RPAP2: variants seen among roughly 807,000 people sequenced by gnomAD.
The protein encoded by RPAP2 is RNA polymerase II associated protein 2, also known as putative RNA polymerase II subunit B1 CTD phosphatase RPAP2.
Under a neutral mutation model 73.1 loss-of-function variants are expected in RPAP2, and 52 were observed. The ratio of observed to expected loss-of-function variants is 0.71; its 90% CI spans 0.57 to 0.90. RPAP2 has a LOEUF of 0.90. Ranked by LOEUF, RPAP2 falls within the 40% of genes least tolerant of loss-of-function variation. The pLI is 0.00. For missense variants in RPAP2, 598 were observed against 701.8 expected (o/e 0.85, Z 1.67); for synonymous variants, 225 against 242.1 (o/e 0.93, Z 0.65).
chr1:92,309,554 TACAC>T (rs1651458543), intron 6 of RPAP2, among the ~76,000 whole-genome samples: 1 of 68,614 alleles, frequency 1.5e-5, no homozygotes. Context: ...CACATACACA[TACAC>T]ATACACATAC....
chr1:92,327,584 T>C (rs1346906637), intron 8 of RPAP2, among the ~76,000 whole-genome samples: 1 of 152,234 alleles, frequency 6.6e-6, no homozygotes, highest in Non-Finnish European at 1.5e-5. Flanking sequence ...AGCAGATACT[T>C]GGTTGGTGAA....
intron 6 of RPAP2, among the ~76,000 whole-genome samples, chr1:92,310,714 T>C (rs1651541619): frequency 6.6e-6 from 1 of 152,112 alleles, no homozygotes; most frequent in African/African-American, 2.4e-5. Flanking sequence ...CTGGCCAACA[T>C]GACAAAACCC....
rs1656315278 is a variant in RPAP2, at chr1:92,401,431, TC to T, written c.*14423del. 1 of 152,240 alleles carries T rather than the reference TC, an allele frequency of 6.6e-6. No individual in the cohort carries two copies. The highest frequency in any genetic ancestry group is 2.4e-5 in the African/African-American group (1 of 41,454). The allele number at this position is 152,240 out of a possible 1,614,324, so 9.4% of individuals were successfully genotyped here. On this transcript the variant is annotated 3_prime_UTR_variant, in exon 13 of 13. Transcript: ENST00000610020. Reference sequence around the variant, plus strand: ...TACTTTCCCTACTACTTAGTTCTAGTCCCTTTTTTGTAGAATTCTGAGGACT... The same window carrying T: ...TACTTTCCCTACTACTTAGTTCTAGTCCTTTTTTGTAGAATTCTGAGGACT...
At chr1:92,331,254 G>A (rs972940187) in intron 8 of RPAP2, among the ~76,000 whole-genome samples, 1 of 152,046 alleles carries the variant, frequency 6.6e-6, no homozygotes, top group African/African-American at 2.4e-5. Flanking sequence ...TAACATTCTT[G>A]TATTAATGTG....
chr1:92,305,748 T>C (rs898687116), intron 5 of RPAP2, among the ~76,000 whole-genome samples: 1 of 152,178 alleles, frequency 6.6e-6, no homozygotes, highest in African/African-American at 2.4e-5. Flanking sequence ...ATATTATCAG[T>C]AATCAGAGAA....
chr1:92,361,048 TAAAC>T (rs1387196609), intron 11 of RPAP2, among the ~76,000 whole-genome samples: 1 of 151,152 alleles, frequency 6.6e-6, no homozygotes, highest in Non-Finnish European at 1.5e-5. Context: ...TTTAGGAACA[TAAAC>T]ATGTAATTTA....
intron 6 of RPAP2, among the ~76,000 whole-genome samples, chr1:92,314,620 G>A (rs1651802303): frequency 6.6e-6 from 1 of 151,738 alleles, no homozygotes; most frequent in Admixed American, 6.6e-5. Flanking sequence ...GCATGCACCT[G>A]TAATCCCAGC....
At chr1:92,361,850 T>TTTCTC (rs4000741) in intron 11 of RPAP2, among the ~76,000 whole-genome samples, 55,274 of 151,670 alleles carry the variant, frequency 0.36, 10,456 homozygotes, top group African/African-American at 0.42. Flanking sequence ...ACGTAACTGT[T>TTTCTC]TTCTGTGGAC....
rs3041650 is a variant in RPAP2, at chr1:92,395,635, CAAAAAA to C, written c.*8642_*8647del. 3 of 96,092 alleles carry C rather than the reference CAAAAAA, an allele frequency of 3.1e-5. No individual in the cohort carries two copies. The highest frequency in any genetic ancestry group is 6.1e-5 in the Non-Finnish European group (3 of 49,368). 6.0% of individuals were successfully genotyped at this position (96,092 alleles called of 1,614,324 possible). A position where few individuals can be genotyped will look rare whatever the true frequency, so the allele number is the denominator to read the frequency against. On this transcript the variant is annotated 3_prime_UTR_variant, in exon 13 of 13. Coordinates refer to ENST00000610020, the MANE Select transcript of RPAP2 (RefSeq NM_024813.3). ...TGGGTGACAGAGTGAGACCCTGTCT[CAAAAAA>C]AAAAAAAAAAAAAAAAATTAATTGA...
intron 7 of RPAP2, among the ~76,000 whole-genome samples, chr1:92,321,982 A>G (rs572923817): frequency 5.2e-4 from 70 of 135,250 alleles, no homozygotes; most frequent in African/African-American, 1.9e-3. Flanking sequence ...GTCTCACTCT[A>G]TCACCCAGGC....
intron 7 of RPAP2, among the ~76,000 whole-genome samples, chr1:92,323,214 CAGA>C (rs1238884286): frequency 2.0e-5 from 3 of 151,042 alleles, no homozygotes; most frequent in Non-Finnish European, 4.4e-5. Flanking sequence ...AGGAAGAATA[CAGA>C]AGGAGAACTA....
In RPAP2 at chr1:92,336,409, A is replaced by G; in HGVS notation, c.1601A>G (p.Asn534Ser). The G allele has an allele frequency of 6.2e-7, 1 of 1,606,706 alleles. No homozygotes were observed. Among genetic ancestry groups the G allele is most frequent in the Non-Finnish European group, 8.5e-7 (1 of 1,174,052 alleles). ...GGAGATATTTACACACAACTTAAAAATCTTGTTCGAACTTTCAGGTTAGTG... is the reference window on the plus strand; with the variant it reads ...GGAGATATTTACACACAACTTAAAAGTCTTGTTCGAACTTTCAGGTTAGTG... The part of the protein sequence containing the change: ...TLGDIYTQLK[N>S]LVRTFRLTNR... The change falls in exon 10 of 13, where the codon AAT (asparagine) becomes AGT (serine). Residue 534 changes from asparagine to serine, a missense_variant. Around this residue, in one of 3 missense-constraint regions of RPAP2, gnomAD observed 506 missense variants for 612.8 expected, o/e 0.83. Transcript: ENST00000610020.
rs183300477 is a variant in RPAP2, at chr1:92,302,128, A to G, written c.234+538A>G. On this transcript the variant is annotated intron_variant, in intron 3 of 12. Transcript: ENST00000610020. ...AAACCTCGTTTCTACTAAAAATACA[A>G]AATTAGCCAGGTGTGGCTCATGCCT... 8.0e-4 allele frequency among the ~76,000 whole-genome samples: 121 copies of G among 152,178 alleles called. 1 individual carries two copies. The highest frequency in any genetic ancestry group is 2.3e-3 in the African/African-American group (96 of 41,508).
intron 6 of RPAP2, among the ~76,000 whole-genome samples, chr1:92,309,736 G>C (rs1032844911): frequency 1.1e-4 from 17 of 152,160 alleles, no homozygotes; most frequent in Admixed American, 1.1e-3. Flanking sequence ...AATTAGCAAG[G>C]TTAGGACATT....
At chr1:92,372,518 A>G (rs966283180) in intron 11 of RPAP2, among the ~76,000 whole-genome samples, 2 of 152,170 alleles carry the variant, frequency 1.3e-5, no homozygotes, top group Admixed American at 6.5e-5. Flanking sequence ...CTCATCTCAC[A>G]CCTCACTGAT....
At chr1:92,301,978 T>C (rs1241077520) in intron 3 of RPAP2, among the ~76,000 whole-genome samples, 24 of 152,190 alleles carry the variant, frequency 1.6e-4, no homozygotes, top group Non-Finnish European at 2.9e-5. Context: ...TATACAATTA[T>C]TATTGTCAAT....
chr1:92,378,667 G>A (rs543366335), intron 11 of RPAP2, among the ~76,000 whole-genome samples: 1 of 152,150 alleles, frequency 6.6e-6, no homozygotes, highest in Admixed American at 6.5e-5. Flanking sequence ...TATTTTAAAT[G>A]TTGACATCAC....
intron 11 of RPAP2, among the ~76,000 whole-genome samples, chr1:92,369,087 A>G (rs546786459): frequency 6.6e-6 from 1 of 152,190 alleles, no homozygotes; most frequent in Non-Finnish European, 1.5e-5. Flanking sequence ...GTTTTTATTC[A>G]TACTTAAAAG....
At chr1:92,318,962 G>C (rs753865525) in intron 6 of RPAP2, among the ~76,000 whole-genome samples, 1 of 152,164 alleles carries the variant, frequency 6.6e-6, no homozygotes, top group Admixed American at 6.5e-5. Flanking sequence ...ACGATGAAAT[G>C]AGTAGGGGCT....
Sources: allele counts gnomAD v4.1 joint callset (sites outside exome capture counted in the v4.1 genomes callset), GRCh38; gene constraint gnomAD v4.1.1; regional missense constraint gnomAD v4.1.1; transcripts MANE v1.5; gene names NCBI Gene and HGNC (gene_info 2026-07-23, HGNC 2026-07-21).